GTF3C3: variants seen among roughly 807,000 people sequenced by gnomAD.
GTF3C3 encodes general transcription factor IIIC subunit 3.
GTF3C3 carries 75 observed loss-of-function variants against 105.2 expected under a neutral mutation model. The observed-to-expected ratio is 0.71, with a 90% CI of 0.59 to 0.86. GTF3C3 has a LOEUF of 0.86. GTF3C3 is among the 40% of genes least tolerant of loss of function. GTF3C3 has a pLI of 0.00. For synonymous variants in GTF3C3, 335 were observed against 370.4 expected, an observed-to-expected ratio of 0.90 and a Z score of 1.10; for missense variants, 856 against 1,076.5, an observed-to-expected ratio of 0.80 and a Z score of 2.87.
rs1208628804 is a variant in GTF3C3, at chr2:196,789,987, A to C, written c.619T>G (p.Leu207Val). The change falls in exon 5 of 18, where the codon TTG becomes GTG. Residue 207 changes from leucine to valine, a missense_variant. By Grantham distance (32) the Leu-to-Val change is conservative (BLOSUM62 1). This residue lies in a region of GTF3C3 where 605 missense variants were observed against 833.6 expected (regional missense o/e 0.73). Transcript: ENST00000263956. Reference sequence around the variant, plus strand: ...CTGGGATTTAAATGCGCAGCAATCAACTCAAACTGCAATGATTTTTCCATG... The same window carrying C: ...CTGGGATTTAAATGCGCAGCAATCACCTCAAACTGCAATGATTTTTCCATG... ...GDMEKSLQFE[L>V]IAAHLNPSDT... 1 of 1,613,458 alleles carries C rather than the reference A, an allele frequency of 6.2e-7. No individual in the cohort carries two copies. The highest frequency in any genetic ancestry group is 8.5e-7 in the Non-Finnish European group (1 of 1,179,586).
At chr2:196,787,886 A>G (rs1699479497) in intron 6 of GTF3C3, among the ~76,000 whole-genome samples, 1 of 152,218 alleles carries the variant, frequency 6.6e-6, no homozygotes, top group African/African-American at 2.4e-5. Context: ...CCAAAGGGAA[A>G]GCCTAAACAG....
At chr2:196,775,354 C>A in intron 12 of GTF3C3, 103 bp from the exon 13 acceptor site, 1 of 993,282 alleles carries the variant, frequency 1.0e-6, no homozygotes, top group Non-Finnish European at 1.5e-6. Flanking sequence ...CTCCTAAGCT[C>A]AAGTGATCCT....
chr2:196,768,324 C>A (rs1016215068), intron 16 of GTF3C3, among the ~76,000 whole-genome samples: 5 of 152,118 alleles, frequency 3.3e-5, no homozygotes, highest in African/African-American at 4.8e-5. Context: ...TCGCCAAAAA[C>A]ACACAGTTTA....
chr2:196,768,167 G>A (rs539236353), intron 16 of GTF3C3, among the ~76,000 whole-genome samples: 165 of 152,070 alleles, frequency 1.1e-3, no homozygotes, highest in East Asian at 1.9e-3. Context: ...ACAGGCACAC[G>A]CCACCACACC....
At chr2:196,770,580 G>A (rs1301469969) in intron 15 of GTF3C3, among the ~76,000 whole-genome samples, 4 of 152,164 alleles carry the variant, frequency 2.6e-5, no homozygotes, top group African/African-American at 9.7e-5. Flanking sequence ...TAAGAATTTG[G>A]AGTTTTATGA....
chr2:196,793,533 G>A (rs1699589422), intron 2 of GTF3C3, among the ~76,000 whole-genome samples: 1 of 152,166 alleles, frequency 6.6e-6, no homozygotes, highest in South Asian at 2.1e-4. Context: ...GGGCTCTAGA[G>A]CCAAGCTGCC....
chr2:196,766,724 A>G lies in GTF3C3; in HGVS notation c.2386-7T>C, dbSNP rs1699075845. 3.1e-6 allele frequency: 5 copies of G among 1,601,000 alleles called. No homozygotes were observed. In the South Asian group the frequency reaches 5.6e-5, roughly 18 times the overall value. On this transcript the variant is annotated splice_region_variant and splice_polypyrimidine_tract_variant and intron_variant, in intron 16 of 17. Coordinates refer to ENST00000263956, the MANE Select transcript of GTF3C3 (RefSeq NM_012086.5). Reference sequence around the variant, plus strand: ...GATTAAGAAAGGAAAAGCCCTAACCAAAAAGAAAAAGATAATTCAATATTT... The same window carrying G: ...GATTAAGAAAGGAAAAGCCCTAACCGAAAAGAAAAAGATAATTCAATATTT...
chr2:196,798,090 C>T (rs907327747), intron 1 of GTF3C3, among the ~76,000 whole-genome samples, 182 bp from the exon 2 acceptor site: 3 of 152,062 alleles, frequency 2.0e-5, no homozygotes, highest in African/African-American at 7.3e-5. Context: ...GCTGTGAACA[C>T]ATACACAGTA....
chr2:196,793,052 C>T lies in GTF3C3; in HGVS notation c.315G>A (p.Glu105=), dbSNP rs761072484. ...CAGGTGTTTCTTCCTCCTCCTCCTC[C>T]TCCTCCTCTTCTTCCTCTTCCTCCT... ...DDEEEEEEEE[E]EEEEEETPEQ... Residue 105 remains glutamate (E), a synonymous_variant, in exon 3 of 18, where the codon GAG becomes GAA. Transcript: ENST00000263956. The T allele has an allele frequency of 6.2e-7, 1 of 1,613,774 alleles. No homozygotes were observed. Among genetic ancestry groups the T allele is most frequent in the Non-Finnish European group, 8.5e-7 (1 of 1,179,694 alleles).
At chr2:196,768,044 T>C (rs1699100188) in intron 16 of GTF3C3, among the ~76,000 whole-genome samples, 1 of 152,236 alleles carries the variant, frequency 6.6e-6, no homozygotes, top group African/African-American at 2.4e-5. Context: ...TTCTCCCAAA[T>C]GGAGTCTTGC....
chr2:196,792,926 T>C lies in GTF3C3; in HGVS notation c.411+30A>G, dbSNP rs1699576054. 4.7e-6 allele frequency: 7 copies of C among 1,488,386 alleles called. No homozygotes were observed. The East Asian group carries it at 1.6e-4, about 34-fold the overall frequency. The allele number at this position is 1,488,386 out of a possible 1,614,324, so 92.2% of individuals were successfully genotyped here. ...ATTACTATGTCACTTTCTTCATTGTTTATAAATACCAAAATAAGTAAAAAT... is the reference window on the plus strand; with the variant it reads ...ATTACTATGTCACTTTCTTCATTGTCTATAAATACCAAAATAAGTAAAAAT... On this transcript the variant is annotated intron_variant, in intron 3 of 17. Coordinates refer to ENST00000263956, the MANE Select transcript of GTF3C3 (RefSeq NM_012086.5).
chr2:196,780,346 A>G, intron 9 of GTF3C3: 1 of 1,185,266 alleles, frequency 8.4e-7, no homozygotes, highest in Admixed American at 3.5e-5. Context: ...TTAGATTGTT[A>G]TTTTAAAAGA....
intron 15 of GTF3C3, among the ~76,000 whole-genome samples, chr2:196,771,420 TAAGACC>T (rs1434246126): frequency 6.6e-6 from 1 of 152,212 alleles, no homozygotes; most frequent in Non-Finnish European, 1.5e-5. Context: ...ATGAATTTTA[TAAGACC>T]TGTGTCAGCC....
chr2:196,792,677 A>T lies in GTF3C3; in HGVS notation c.411+279T>A, dbSNP rs149674069. ...TTTTGAGACAGGGTCTTGTTCTGAC[A>T]CCTAGGCTGAAGTGCTGCAGCCTTG... On this transcript the variant is annotated intron_variant, in intron 3 of 17. Coordinates refer to ENST00000263956, the MANE Select transcript of GTF3C3 (RefSeq NM_012086.5). Among the ~76,000 whole-genome samples the T allele has an allele frequency of 1.9e-3, 289 of 152,216 alleles. 2 individuals are homozygous for T. The highest frequency in any genetic ancestry group is 6.5e-3 in the African/African-American group (269 of 41,524).
At chr2:196,790,201 A>C in intron 4 of GTF3C3, 131 bp from the exon 5 acceptor site, 1 of 496,652 alleles carries the variant, frequency 2.0e-6, no homozygotes. Context: ...GCAGAATTAT[A>C]CAAACTGCTT....
In GTF3C3 at chr2:196,791,235, C is replaced by A; in HGVS notation, c.535+102G>T. ...TACCATTACCACAATCACCCTTAAG[C>A]TTCTGAACATATTTTCCAAATAGTA... is the stretch of plus-strand genomic sequence containing the variant. On this transcript the variant is annotated intron_variant, in intron 4 of 17. Transcript: ENST00000263956. 3 of 1,122,138 alleles carry A rather than the reference C, an allele frequency of 2.7e-6. No individual in the cohort carries two copies. The South Asian group carries it at 4.7e-5, about 17-fold the overall frequency. The allele number at this position is 1,122,138 out of a possible 1,614,324, so 69.5% of individuals were successfully genotyped here.
At chr2:196,774,725 A>C (rs144918462) in intron 13 of GTF3C3, among the ~76,000 whole-genome samples, 2 of 152,352 alleles carry the variant, frequency 1.3e-5, no homozygotes, top group African/African-American at 4.8e-5. Flanking sequence ...ATTTTCAAAG[A>C]GTTTCTATGA....
rs1013422722 is a variant in GTF3C3 at position 196,789,760 on chromosome 2, A to G, written c.727+119T>C. 2.6e-5 allele frequency: 17 copies of G among 647,594 alleles called. No homozygotes were observed. In the African/African-American group the frequency reaches 3.0e-4, roughly 11 times the overall value. 40.1% of individuals were successfully genotyped at this position (647,594 alleles called of 1,614,324 possible). ...CCCAAATACTTACCTCTAGAGCAAC[A>G]CACAATAGAAACAAATTTATCTCAG... On this transcript the variant is annotated intron_variant, in intron 5 of 17. Transcript: ENST00000263956.
At position 196,799,631 on chromosome 2, in the gene GTF3C3, G is replaced by T. The variant is rs1166110488; in HGVS notation, c.-20C>A. ...TGACATGTTTACAGGGTCTGTCTGT[G>T]CAACCCCAGGAACCGGGACAGAGAA... is the stretch of plus-strand genomic sequence containing the variant. On this transcript the variant is annotated 5_prime_UTR_variant, in exon 1 of 18. Coordinates refer to ENST00000263956, the MANE Select transcript of GTF3C3 (RefSeq NM_012086.5). 1.3e-6 allele frequency: 2 copies of T among 1,546,638 alleles called. No individual in the cohort carries two copies. Among genetic ancestry groups the T allele is most frequent in the African/African-American group, 1.4e-5 (1 of 73,640 alleles).
Sources: allele counts gnomAD v4.1 joint callset (sites outside exome capture counted in the v4.1 genomes callset), GRCh38; gene constraint gnomAD v4.1.1; regional missense constraint gnomAD v4.1.1; transcripts MANE v1.5; gene names NCBI Gene and HGNC (gene_info 2026-07-23, HGNC 2026-07-21).